The following KIT variants were observed in gnomAD, a reference collection of about 807,000 sequenced individuals.
KIT encodes mast/stem cell growth factor receptor Kit.
Under a neutral mutation model 105.7 loss-of-function variants are expected in KIT, and 16 were observed. The observed-to-expected ratio is 0.15, with a 90% CI of 0.10 to 0.23. The LOEUF (loss-of-function observed/expected upper bound fraction) is 0.23. Among genes scored for constraint, KIT ranks in the 10% least tolerant of loss-of-function variants. The pLI, the probability that KIT is intolerant of heterozygous loss-of-function variation, is 1.00. For missense variants in KIT, 858 were observed against 1,213.8 expected, an observed-to-expected ratio of 0.71 and a Z score of 4.36; for synonymous variants, 438 against 441.1, an observed-to-expected ratio of 0.99 and a Z score of 0.09.
chr4:54,735,591 C>T (rs1255571451), intron 17 of KIT, among the ~76,000 whole-genome samples: 8 of 152,112 alleles, frequency 5.3e-5, no homozygotes, highest in Admixed American at 5.2e-4. Context: ...TTCTTCTAGG[C>T]AATTTTTCAG....
chr4:54,709,723 A>C (rs1721019001), intron 7 of KIT, 184 bp downstream of exon 7: 11 of 668,008 alleles, frequency 1.6e-5, no homozygotes. Flanking sequence ...CTTGTCCTAC[A>C]TTTCACTGAT....
At position 54,712,162 on chromosome 4, in the gene KIT, C is replaced by A. The variant is rs142425341; in HGVS notation, c.1231+2623C>A. Among the ~76,000 whole-genome samples, 1,135 of 152,224 alleles carry A rather than the reference C, an allele frequency of 7.5e-3. 15 individuals are homozygous for A. Among genetic ancestry groups the A allele is most frequent in the African/African-American group, 0.026 (1,079 of 41,502 alleles). On this transcript the variant is annotated intron_variant, in intron 7 of 20. Transcript: ENST00000288135. ...AAAAGACTTTCTTTTCTAAGATTCC[C>A]AATACATTGTGGATCAATACTTCTT... is the stretch of plus-strand genomic sequence containing the variant.
chr4:54,698,601 G>A, intron 3 of KIT, 36 bp downstream of exon 3: 2 of 1,610,212 alleles, frequency 1.2e-6, no homozygotes, highest in Non-Finnish European at 1.7e-6. Flanking sequence ...TGGGAGTTGA[G>A]AACTCACTTA....
At chr4:54,662,092 G>A (rs1428050541) in intron 1 of KIT, among the ~76,000 whole-genome samples, 1 of 152,048 alleles carries the variant, frequency 6.6e-6, no homozygotes, top group Admixed American at 6.5e-5. Flanking sequence ...TTTAAGAATT[G>A]AAGGTCATGG....
At chr4:54,696,324 TG>T (rs1287472551) in intron 2 of KIT, among the ~76,000 whole-genome samples, 1 of 152,156 alleles carries the variant, frequency 6.6e-6, no homozygotes, top group East Asian at 1.9e-4. Flanking sequence ...AAAATAAATA[TG>T]GTAGTTGGAG....
chr4:54,690,994 AT>A (rs1719670520), intron 1 of KIT, among the ~76,000 whole-genome samples: 1 of 152,192 alleles, frequency 6.6e-6, no homozygotes, highest in African/African-American at 2.4e-5. Context: ...TATTTTAATT[AT>A]TTTTTAAAAC....
At chr4:54,692,096 G>A (rs1485322815) in intron 1 of KIT, among the ~76,000 whole-genome samples, 1 of 152,102 alleles carries the variant, frequency 6.6e-6, no homozygotes, top group Non-Finnish European at 1.5e-5. Context: ...TATAAAATAA[G>A]TACTGTTAGT....
rs2109779177 is a variant in KIT, at chr4:54,727,817, C to G, written c.1775-6C>G. Reference sequence around the variant, plus strand: ...ACCACTTACCTTGTTGTCTTCCTTCCTACAGGGAAAACCCTGGGTGCTGGA... The same window carrying G: ...ACCACTTACCTTGTTGTCTTCCTTCGTACAGGGAAAACCCTGGGTGCTGGA... On this transcript the variant is annotated splice_region_variant and splice_polypyrimidine_tract_variant and intron_variant, in intron 11 of 20. Transcript: ENST00000288135. The G allele has an allele frequency of 6.2e-7, 1 of 1,611,076 alleles. No homozygotes were observed. The highest frequency in any genetic ancestry group is 8.5e-7 in the Non-Finnish European group (1 of 1,178,664).
intron 1 of KIT, among the ~76,000 whole-genome samples, chr4:54,686,631 A>T (rs953750141): frequency 6.6e-6 from 1 of 152,064 alleles, no homozygotes; most frequent in Admixed American, 6.6e-5. Flanking sequence ...TGCAGCCTCG[A>T]CCTCTTGGGC....
intron 8 of KIT, among the ~76,000 whole-genome samples, 163 bp downstream of exon 8, chr4:54,723,861 T>G (rs1722053077): frequency 6.6e-6 from 1 of 152,236 alleles, no homozygotes; most frequent in Non-Finnish European, 1.5e-5. Context: ...GCTATATTTT[T>G]CTTGGTAGAC....
At chr4:54,722,865 GTA>G (rs1397092055) in intron 7 of KIT, among the ~76,000 whole-genome samples, 2 of 100,464 alleles carry the variant, frequency 2.0e-5, no homozygotes, top group Non-Finnish European at 3.7e-5. Context: ...TTATATATAT[GTA>G]TATATATTTA....
chr4:54,732,582 C>T (rs1169130998), intron 16 of KIT, among the ~76,000 whole-genome samples: 1 of 152,086 alleles, frequency 6.6e-6, no homozygotes, highest in Non-Finnish European at 1.5e-5. Flanking sequence ...GAATGAGTTA[C>T]CAGTCCTACC....
chr4:54,661,541 C>G (rs1038230096), intron 1 of KIT, among the ~76,000 whole-genome samples: 1 of 152,220 alleles, frequency 6.6e-6, no homozygotes, highest in Non-Finnish European at 1.5e-5. Flanking sequence ...GTGGTCAAGG[C>G]TGTGGCAGCT....
chr4:54,658,213 G>A (rs1339601604), intron 1 of KIT, 132 bp downstream of exon 1: 5 of 907,272 alleles, frequency 5.5e-6, no homozygotes, highest in Non-Finnish European at 8.8e-6. Flanking sequence ...CCAGCCTCCG[G>A]GGAGACTCCA....
chr4:54,673,977 G>T (rs1338038407), intron 1 of KIT, among the ~76,000 whole-genome samples: 1 of 152,082 alleles, frequency 6.6e-6, no homozygotes, highest in Non-Finnish European at 1.5e-5. Context: ...CACCATGTTG[G>T]CCAGACTGGT....
chr4:54,674,193 A>G (rs558056369), intron 1 of KIT, among the ~76,000 whole-genome samples: 4 of 151,780 alleles, frequency 2.6e-5, no homozygotes, highest in Admixed American at 6.6e-5. Flanking sequence ...CTTTGCCCCT[A>G]TTTCCTCATC....
intron 7 of KIT, among the ~76,000 whole-genome samples, chr4:54,722,875 TTA>T (rs1197522486): frequency 1.1e-4 from 15 of 138,702 alleles, no homozygotes; most frequent in African/African-American, 3.6e-4. Context: ...GTATATATAT[TTA>T]TATATATGTA....
intron 9 of KIT, 48 bp downstream of exon 9, chr4:54,726,098 A>G: frequency 6.9e-7 from 1 of 1,446,726 alleles, no homozygotes; most frequent in Non-Finnish European, 9.7e-7. Flanking sequence ...GGCTCTGTCT[A>G]CCATATCAGT....
At chr4:54,716,354 C>T (rs1338802046) in intron 7 of KIT, among the ~76,000 whole-genome samples, 1 of 152,032 alleles carries the variant, frequency 6.6e-6, no homozygotes, top group African/African-American at 2.4e-5. Flanking sequence ...TAAATTAAAA[C>T]AATTTTTTCT....
Sources: allele counts gnomAD v4.1 joint callset (sites outside exome capture counted in the v4.1 genomes callset), GRCh38; gene constraint gnomAD v4.1.1; transcripts MANE v1.5; gene names NCBI Gene and HGNC (gene_info 2026-07-23, HGNC 2026-07-21).